Variants in ERC2 observed in about 807,000 individuals in gnomAD.
ERC2 encodes the protein ERC protein 2.
A neutral mutation model predicts 114.8 loss-of-function variants in ERC2; 42 were observed. The observed-to-expected ratio is 0.37, with a 90% CI of 0.29 to 0.47. The LOEUF is 0.47. Ranked by LOEUF, ERC2 falls within the 20% of genes least tolerant of loss-of-function variation. The pLI is 0.99. For synonymous variants in ERC2, 454 were observed against 425.5 expected, an observed-to-expected ratio of 1.07 and a Z score of -0.82; for missense variants, 939 against 1,150.7, an observed-to-expected ratio of 0.82 and a Z score of 2.66.
chr3:55,836,679 A>G (rs2060902122), intron 14 of ERC2, among the ~76,000 whole-genome samples: 1 of 152,130 alleles, frequency 6.6e-6, no homozygotes, highest in Non-Finnish European at 1.5e-5. Flanking sequence ...ATTACCATTC[A>G]GGACATAGGC....
intron 17 of ERC2, among the ~76,000 whole-genome samples, chr3:55,602,039 A>T (rs2058429692): frequency 6.6e-6 from 1 of 152,208 alleles, no homozygotes; most frequent in Non-Finnish European, 1.5e-5. Flanking sequence ...TGGATAAATG[A>T]ATGAATCAGG....
intron 17 of ERC2, among the ~76,000 whole-genome samples, chr3:55,520,098 C>T (rs1413890756): frequency 6.6e-6 from 1 of 151,134 alleles, no homozygotes; most frequent in Non-Finnish European, 1.5e-5. Context: ...CAAAACCTTG[C>T]ACCCTGTATG....
intron 12 of ERC2, among the ~76,000 whole-genome samples, chr3:55,977,037 G>A (rs190477758): frequency 2.0e-4 from 30 of 152,270 alleles, no homozygotes; most frequent in Admixed American, 5.9e-4. Context: ...GAAAGCAGGC[G>A]CTCACCAGAC....
At chr3:55,846,671 CTCTCTCTCTCTCTCTCTCTCTT>C (rs1237050008) in intron 14 of ERC2, among the ~76,000 whole-genome samples, 1 of 117,348 alleles carries the variant, frequency 8.5e-6, no homozygotes, top group Non-Finnish European at 1.7e-5. Context: ...CTTATTCATT[CTCTCTCTCTCTCTCTCTCTCTT>C]TCTCTCTCTC....
At position 56,139,493 on chromosome 3, in the gene ERC2, T is replaced by A. The variant is rs375331465; in HGVS notation, c.1473+16A>T. ...TCAATGTCTCTGCTGTCTAGAATCC[T>A]GAGAGAGTGCCTTACCTCAGTCTGA... On this transcript the variant is annotated intron_variant, in intron 6 of 17. Coordinates refer to ENST00000288221, the MANE Select transcript of ERC2 (RefSeq NM_015576.3). The A allele has an allele frequency of 1.2e-6, 2 of 1,602,606 alleles. No homozygotes were observed. Among genetic ancestry groups the A allele is most frequent in the Non-Finnish European group, 8.5e-7 (1 of 1,173,442 alleles).
intron 13 of ERC2, among the ~76,000 whole-genome samples, chr3:55,942,247 A>G (rs1240708962): frequency 7.6e-6 from 1 of 131,876 alleles, no homozygotes; most frequent in Non-Finnish European, 1.6e-5. Context: ...CTTGTATTAA[A>G]TGAAGTCTAA....
intron 17 of ERC2, among the ~76,000 whole-genome samples, chr3:55,644,086 A>G (rs1429414676): frequency 6.6e-6 from 1 of 152,140 alleles, no homozygotes; most frequent in Non-Finnish European, 1.5e-5. Context: ...CTCTATCCGC[A>G]GGCCCAGTGG....
intron 17 of ERC2, among the ~76,000 whole-genome samples, chr3:55,597,826 C>A (rs992705830): frequency 6.6e-6 from 1 of 152,278 alleles, no homozygotes; most frequent in Admixed American, 6.5e-5. Flanking sequence ...TAGACCTTGC[C>A]CCTAGAATAG....
At chr3:56,258,662 AAAAC>A (rs919069317) in intron 3 of ERC2, among the ~76,000 whole-genome samples, 1 of 152,216 alleles carries the variant, frequency 6.6e-6, no homozygotes, top group Non-Finnish European at 1.5e-5. Context: ...TCAAGAAAAC[AAAAC>A]AAACAAACAA....
At chr3:55,658,887 G>C (rs2060995666) in intron 17 of ERC2, 1 of 152,664 alleles carries the variant, frequency 6.6e-6, no homozygotes, top group Non-Finnish European at 1.5e-5. Flanking sequence ...GACATGTCAA[G>C]GCCAAGAGTC....
intron 10 of ERC2, among the ~76,000 whole-genome samples, chr3:55,998,052 G>A (rs1326273666): frequency 6.7e-6 from 1 of 149,520 alleles, no homozygotes; most frequent in Admixed American, 6.7e-5. Flanking sequence ...GGCACAAGCC[G>A]CCACACCCAG....
chr3:55,794,151 A>G (rs1575616436), intron 14 of ERC2, among the ~76,000 whole-genome samples: 1 of 152,324 alleles, frequency 6.6e-6, no homozygotes, highest in Admixed American at 6.5e-5. Context: ...CCACATCTGC[A>G]TTTGCTGGAA....
At chr3:56,153,171 A>G (rs965222809) in intron 4 of ERC2, among the ~76,000 whole-genome samples, 23 of 152,170 alleles carry the variant, frequency 1.5e-4, no homozygotes, top group African/African-American at 5.1e-4. Flanking sequence ...CATTAATTCA[A>G]CAAATACATA....
At chr3:55,651,466 G>C (rs185474927) in intron 17 of ERC2, among the ~76,000 whole-genome samples, 3 of 152,140 alleles carry the variant, frequency 2.0e-5, no homozygotes, top group African/African-American at 7.2e-5. Context: ...CCATGTGATC[G>C]AGCGGACACT....
rs1413805739 is a variant in ERC2 at position 56,271,015 on chromosome 3, C to A, written c.1074+25004G>T. Among the ~76,000 whole-genome samples the A allele has an allele frequency of 2.0e-5, 3 of 152,094 alleles. No homozygotes were observed. In the East Asian group the frequency reaches 5.8e-4, roughly 29 times the overall value. ...AAACAAAACAAACAAACAAAAAAAACCAGCCTTGTACTTTCTTCACACATT... is the reference window on the plus strand; with the variant it reads ...AAACAAAACAAACAAACAAAAAAAAACAGCCTTGTACTTTCTTCACACATT... On this transcript the variant is annotated intron_variant, in intron 3 of 17. Coordinates refer to ENST00000288221, the MANE Select transcript of ERC2 (RefSeq NM_015576.3).
intron 3 of ERC2, among the ~76,000 whole-genome samples, chr3:56,189,270 G>T (rs1317923011): frequency 1.3e-5 from 2 of 152,176 alleles, no homozygotes; most frequent in African/African-American, 4.8e-5. Context: ...TCTCTTCTAA[G>T]GACTTTTCTT....
intron 1 of ERC2, among the ~76,000 whole-genome samples, chr3:56,441,168 C>A (rs1270368031): frequency 1.3e-5 from 2 of 152,156 alleles, no homozygotes; most frequent in East Asian, 3.9e-4. Context: ...TTAGGAGCCA[C>A]ACAGAACGGC....
intron 3 of ERC2, among the ~76,000 whole-genome samples, chr3:56,178,130 C>A (rs547560467): frequency 6.6e-6 from 1 of 152,088 alleles, no homozygotes; most frequent in Non-Finnish European, 1.5e-5. Flanking sequence ...TACTTCTTGG[C>A]GTTAATGAGA....
intron 17 of ERC2, among the ~76,000 whole-genome samples, chr3:55,675,262 A>T (rs1210884158): frequency 6.6e-6 from 1 of 152,210 alleles, no homozygotes; most frequent in African/African-American, 2.4e-5. Context: ...TCTGACAAAC[A>T]TGTTCATGGG....
Sources: allele counts gnomAD v4.1 joint callset (sites outside exome capture counted in the v4.1 genomes callset), GRCh38; gene constraint gnomAD v4.1.1; transcripts MANE v1.5; gene names NCBI Gene and HGNC (gene_info 2026-07-23, HGNC 2026-07-21).